Variants in SHC2 observed in about 807,000 individuals in gnomAD.
SHC2 encodes SHC adaptor protein 2, also known as SHC-transforming protein 2.
SHC2 carries 62 observed loss-of-function variants against 60.6 expected under a neutral mutation model. That is an observed-to-expected ratio of 1.02 (90% CI 0.83 to 1.26). The LOEUF is 1.26. Among genes scored for constraint, SHC2 ranks in the 50% most tolerant of loss-of-function variants. The probability of loss-of-function intolerance (pLI) is 0.00; values close to 1 mark genes in which losing one functional copy is unlikely to be tolerated. For missense variants in SHC2, 873 were observed against 822.2 expected (o/e 1.06, Z -0.76); for synonymous variants, 375 against 372.4 (o/e 1.01, Z -0.08).
In SHC2 at chr19:445,914, C is replaced by T. The variant is rs531138844; in HGVS notation, c.469-4982G>A. Among the ~76,000 whole-genome samples the T allele has an allele frequency of 1.3e-3, 202 of 151,856 alleles. 1 individual carries two copies. The highest frequency in any genetic ancestry group is 3.9e-3 in the African/African-American group (161 of 41,384). On this transcript the variant is annotated intron_variant, in intron 1 of 12. Transcript: ENST00000264554. The surrounding 1 kb of genome is among the most constrained non-coding windows in gnomAD (Gnocchi z 4.4). ...AATAAAAATAAAAAAATTAGCTGGG[C>T]GTGGTGGTTGCATGCCTGTAATCCC...
chr19:452,552 G>A (rs1304431903), intron 1 of SHC2, among the ~76,000 whole-genome samples: 5 of 147,798 alleles, frequency 3.4e-5, no homozygotes, highest in South Asian at 2.2e-4. Flanking sequence ...TTGGGGCATC[G>A]TACTGACTTG....
chr19:426,238 G>A (rs1024470482), intron 9 of SHC2, among the ~76,000 whole-genome samples: 1 of 152,228 alleles, frequency 6.6e-6, no homozygotes, highest in Admixed American at 6.5e-5. Flanking sequence ...GGGCAGAGGG[G>A]CTTCTCCCCC....
chr19:437,619 C>T (rs937251759), intron 4 of SHC2, among the ~76,000 whole-genome samples: 2 of 152,068 alleles, frequency 1.3e-5, no homozygotes, highest in Non-Finnish European at 2.9e-5. Context: ...GTCCATGCCT[C>T]GCAGGGTGGG....
chr19:460,512 G>T lies in SHC2; in HGVS notation c.468+17C>A, dbSNP rs764966816. 4.3e-5 allele frequency: 53 copies of T among 1,241,010 alleles called. No individual in the cohort carries two copies. The Admixed American group carries it at 1.9e-3, about 44-fold the overall frequency. The allele number at this position is 1,241,010 out of a possible 1,614,324, so 76.9% of individuals were successfully genotyped here. A position where few individuals can be genotyped will look rare whatever the true frequency, so the allele number is the denominator to read the frequency against. ...GCCGCCGCGAACGGGCTCCCGGGGG[G>T]GGTGGGGGGGACTCACCCGCACGAC... On this transcript the variant is annotated intron_variant, in intron 1 of 12. Transcript: ENST00000264554.
rs780979838 is a variant in SHC2 at position 422,251 on chromosome 19, C to T, written c.1515G>A (p.Gly505=). The change falls in exon 11 of 13, where the codon GGG becomes GGA. Residue 505 remains glycine (G), a synonymous_variant. Coordinates refer to ENST00000264554, the MANE Select transcript of SHC2 (RefSeq NM_012435.3). The surrounding 1 kb of genome is among the most constrained non-coding windows in gnomAD (Gnocchi z 5.0). ...RAAERMLRAD[G]DFLVRDSVTN... ...TGACGCTGTCTCGCACAAGGAAGTCCCCGTCAGCTCGAAGCATCCTCTCTG... is the reference window on the plus strand; with the variant it reads ...TGACGCTGTCTCGCACAAGGAAGTCTCCGTCAGCTCGAAGCATCCTCTCTG... 2 of 1,612,450 alleles carry T rather than the reference C, an allele frequency of 1.2e-6. No individual in the cohort carries two copies.
chr19:435,000 C>A, intron 7 of SHC2, 135 bp from the exon 8 acceptor site: 2 of 867,950 alleles, frequency 2.3e-6, no homozygotes, highest in South Asian at 3.6e-5. Context: ...AGGGTTCCTA[C>A]CGGGAAACGC....
At chr19:439,314 C>T (rs184541085) in intron 2 of SHC2, 124 of 516,644 alleles carry the variant, frequency 2.4e-4, no homozygotes, top group African/African-American at 1.3e-3. Context: ...GGCAGAGGCC[C>T]GGCCCCCAGC....
rs1480363550 is a variant in SHC2, at chr19:422,498, G to C, written c.1310-42C>G. On this transcript the variant is annotated intron_variant, in intron 10 of 12. Transcript: ENST00000264554. This position sits in a 1 kb window ranked among gnomAD's most constrained non-coding sequence, Gnocchi z 5.0. ...GGAGTGCTGGGCAGGCAGGGGGCAA[G>C]CAGCTACTCCTGCCGGGACCAGAGC... The C allele has an allele frequency of 6.9e-7, 1 of 1,442,186 alleles. No individual in the cohort carries two copies. Among genetic ancestry groups the C allele is most frequent in the African/African-American group, 1.4e-5 (1 of 69,968 alleles). The allele number at this position is 1,442,186 out of a possible 1,614,324, so 89.3% of individuals were successfully genotyped here.
chr19:458,023 G>T, intron 1 of SHC2, among the ~76,000 whole-genome samples: 1 of 137,208 alleles, frequency 7.3e-6, no homozygotes, highest in Non-Finnish European at 1.7e-5. Context: ...GTCTTGGGGA[G>T]GCGGAAGTAG....
intron 9 of SHC2, 39 bp downstream of exon 9, chr19:430,645 A>C: frequency 6.3e-7 from 1 of 1,581,654 alleles, no homozygotes; most frequent in South Asian, 1.1e-5. Context: ...GAGCCCCAGA[A>C]TCCTCGTGGG....
rs1356049717 is a variant in SHC2 at position 438,771 on chromosome 19, A to G, written c.667T>C (p.Ser223Pro). The G allele has an allele frequency of 1.3e-6, 2 of 1,574,884 alleles. No individual in the cohort carries two copies. Among genetic ancestry groups the G allele is most frequent in the Non-Finnish European group, 1.7e-6 (2 of 1,161,718 alleles). ...AGGCCATCAGTGGAGATGTGGATGG[A>G]GATGCTCATGCCGGCAAAGCGAAGG... Reference protein sequence around the residue: ...SNLRFAGMSISIHISTDGLSL... With the variant: ...SNLRFAGMSIPIHISTDGLSL... Residue 223 changes from serine to proline, a missense_variant, in exon 4 of 13, where the codon TCC (serine) becomes CCC (proline). Coordinates refer to ENST00000264554, the MANE Select transcript of SHC2 (RefSeq NM_012435.3). The surrounding 1 kb of genome is among the most constrained non-coding windows in gnomAD (Gnocchi z 5.0).
chr19:457,442 CGCCTCCTGGGAGGGGCAGCCGCCCA>C (rs1254723707), intron 1 of SHC2, among the ~76,000 whole-genome samples: 1 of 152,208 alleles, frequency 6.6e-6, no homozygotes, highest in Non-Finnish European at 1.5e-5. Context: ...GCTTCAAGGT[CGCCTCCTGGGAGGGGCAGCCGCCCA>C]GCCTCCTGCT....
At chr19:452,962 G>A (rs535279673) in intron 1 of SHC2, among the ~76,000 whole-genome samples, 1 of 152,346 alleles carries the variant, frequency 6.6e-6, no homozygotes, top group South Asian at 2.1e-4. Context: ...TCCAGCCAAT[G>A]GAGGAGGGAG....
At chr19:434,130 C>T (rs569910064) in intron 8 of SHC2, among the ~76,000 whole-genome samples, 139 of 138,690 alleles carry the variant, frequency 1.0e-3, no homozygotes, top group Middle Eastern at 4.0e-3. Flanking sequence ...TAGAGGAGGC[C>T]GGGCAGATGG....
At chr19:418,879 G>A (rs1271801434) in intron 12 of SHC2, 44 bp downstream of exon 12, 15 of 1,555,490 alleles carry the variant, frequency 9.6e-6, no homozygotes, top group Non-Finnish European at 1.3e-5. Context: ...AAAAGAATCT[G>A]GCAAAGGAGG....
At chr19:423,010 G>A (rs1002986756) in intron 10 of SHC2, among the ~76,000 whole-genome samples, 1 of 152,158 alleles carries the variant, frequency 6.6e-6, no homozygotes, top group African/African-American at 2.4e-5. Context: ...CGTGTCCCCA[G>A]GCAGAAAGCA....
chr19:424,150 C>A lies in SHC2; in HGVS notation c.1309+947G>T, dbSNP rs1974350101. Among the ~76,000 whole-genome samples the A allele has an allele frequency of 6.6e-6, 1 of 152,224 alleles. No individual in the cohort carries two copies. Among genetic ancestry groups the A allele is most frequent in the Admixed American group, 6.5e-5 (1 of 15,282 alleles). Reference sequence around the variant, plus strand: ...AGCTCAGAGCCAACACCTCTCCGTGCTGGAGAAGGGCAGAGTCGAGGCTGC... The same window carrying A: ...AGCTCAGAGCCAACACCTCTCCGTGATGGAGAAGGGCAGAGTCGAGGCTGC... On this transcript the variant is annotated intron_variant, in intron 10 of 12. Transcript: ENST00000264554. The surrounding 1 kb of genome is among the most constrained non-coding windows in gnomAD (Gnocchi z 4.5).
Position 440,111 on chromosome 19 carries a change from C to CCATGCT in SHC2, c.539+750_539+751insAGCATG, listed in dbSNP as rs752911506. Reference sequence around the variant, plus strand: ...GGAACGCCATGCTCAGTGAGAGACGCCAGACACACGAGGCCACGCAGCGTG... The same window carrying CCATGCT: ...GGAACGCCATGCTCAGTGAGAGACGCCATGCTCAGACACACGAGGCCACGCAGCGTG... On this transcript the variant is annotated intron_variant, in intron 2 of 12. Coordinates refer to ENST00000264554, the MANE Select transcript of SHC2 (RefSeq NM_012435.3). This position sits in a 1 kb window ranked among gnomAD's most constrained non-coding sequence, Gnocchi z 7.0. Among the ~76,000 whole-genome samples the CCATGCT allele has an allele frequency of 9.9e-5, 15 of 151,714 alleles. No individual in the cohort carries two copies. Among genetic ancestry groups the CCATGCT allele is most frequent in the Non-Finnish European group, 1.6e-4 (11 of 67,950 alleles).
At chr19:435,839 G>A (rs1318499298) in intron 7 of SHC2, 5 of 310,214 alleles carry the variant, frequency 1.6e-5, no homozygotes, top group South Asian at 5.4e-5. Flanking sequence ...GCGGTGAGAC[G>A]GAGGCCGTTT....
Sources: gnomAD v4.1 joint callset for allele counts (sites outside exome capture counted in the v4.1 genomes callset) on GRCh38, gnomAD v4.1.1 for gene constraint, Gnocchi (gnomAD v3.1) non-coding constraint, MANE v1.5 for transcripts, NCBI Gene and HGNC (gene_info 2026-07-23, HGNC 2026-07-21) for gene names.